Variants in ALPK1 observed in about 807,000 individuals in gnomAD.
ALPK1 encodes alpha-protein kinase 1.
In ALPK1, 110 loss-of-function variants were observed where a neutral mutation model predicts 120.6. The ratio of observed to expected loss-of-function variants is 0.91; its 90% CI spans 0.78 to 1.07. ALPK1 has a LOEUF of 1.07. Among genes scored for constraint, ALPK1 ranks in the 50% least tolerant of loss-of-function variants. ALPK1 has a pLI of 0.00. For synonymous variants in ALPK1, 582 were observed against 560.3 expected, an observed-to-expected ratio of 1.04 and a Z score of -0.55; for missense variants, 1,498 against 1,483.9, an observed-to-expected ratio of 1.01 and a Z score of -0.16.
chr4:112,334,439 A>G (rs1031844037), intron 2 of ALPK1, among the ~76,000 whole-genome samples: 19 of 151,718 alleles, frequency 1.3e-4, no homozygotes, highest in African/African-American at 4.1e-4. Flanking sequence ...CCTCAAAAAA[A>G]AAAAAAAAGA....
At chr4:112,366,757 T>C (rs1373390710) in intron 2 of ALPK1, among the ~76,000 whole-genome samples, 1 of 152,214 alleles carries the variant, frequency 6.6e-6, no homozygotes, top group East Asian at 1.9e-4. Flanking sequence ...TGCATGTTTA[T>C]AGCAGCACAA....
chr4:112,299,579 T>G (rs960280504), intron 1 of ALPK1, among the ~76,000 whole-genome samples: 3 of 152,112 alleles, frequency 2.0e-5, no homozygotes, highest in Non-Finnish European at 2.9e-5. Flanking sequence ...ATGGCTAAAG[T>G]TTCAGACATG....
chr4:112,299,229 A>G lies in ALPK1; in HGVS notation c.-153+1760A>G, dbSNP rs557957017. ...GGGATAGACAAACTTAAAAGAAAGA[A>G]TATTATCTGGTGCTATCATTCTTCT... On this transcript the variant is annotated intron_variant, in intron 1 of 15. Transcript: ENST00000650871. Among the ~76,000 whole-genome samples the G allele has an allele frequency of 2.0e-5, 3 of 152,252 alleles. No individual in the cohort carries two copies. In the South Asian group the frequency reaches 6.2e-4, roughly 32 times the overall value.
chr4:112,429,390 A>G, intron 10 of ALPK1, 137 bp downstream of exon 10: 1 of 667,128 alleles, frequency 1.5e-6, no homozygotes. Flanking sequence ...ATAAGACTCC[A>G]CACCACATAT....
At chr4:112,356,032 C>A (rs1434674819) in intron 2 of ALPK1, 1 of 719,226 alleles carries the variant, frequency 1.4e-6, no homozygotes, top group Non-Finnish European at 2.5e-6. Context: ...CATCACTTAC[C>A]AAGAGCGGCT....
intron 5 of ALPK1, among the ~76,000 whole-genome samples, chr4:112,418,680 A>G (rs959678649): frequency 6.6e-6 from 1 of 152,208 alleles, no homozygotes; most frequent in Non-Finnish European, 1.5e-5. Flanking sequence ...TACCAGATCC[A>G]TCCCCATGAT....
intron 4 of ALPK1, among the ~76,000 whole-genome samples, chr4:112,389,372 C>T (rs1333986624): frequency 6.6e-6 from 1 of 152,120 alleles, no homozygotes; most frequent in Non-Finnish European, 1.5e-5. Context: ...GTTGAGATAC[C>T]AGGGGTTGGT....
intron 13 of ALPK1, among the ~76,000 whole-genome samples, chr4:112,439,080 T>C (rs1734913919): frequency 6.6e-6 from 1 of 152,186 alleles, no homozygotes; most frequent in African/African-American, 2.4e-5. Flanking sequence ...CCCCTTTCAA[T>C]AGATAAAGGC....
intron 2 of ALPK1, among the ~76,000 whole-genome samples, chr4:112,376,422 CA>C (rs1281404958): frequency 6.6e-6 from 1 of 151,976 alleles, no homozygotes; most frequent in African/African-American, 2.4e-5. Flanking sequence ...TGTTTAAACA[CA>C]AAGTATATGG....
At chr4:112,416,562 G>A (rs527836620) in intron 5 of ALPK1, among the ~76,000 whole-genome samples, 4 of 152,260 alleles carry the variant, frequency 2.6e-5, no homozygotes, top group Admixed American at 2.6e-4. Flanking sequence ...CACTGAAGGA[G>A]TATATCTAGC....
chr4:112,414,536 A>C, intron 5 of ALPK1: 1 of 296,886 alleles, frequency 3.4e-6, no homozygotes, highest in Non-Finnish European at 7.0e-6. Context: ...TGAACTCCGG[A>C]GGTGGAAGTT....
intron 2 of ALPK1, among the ~76,000 whole-genome samples, chr4:112,355,372 G>T (rs1484260948): frequency 3.9e-5 from 6 of 152,296 alleles, no homozygotes; most frequent in South Asian, 2.1e-4. Context: ...CCGGGCCAGT[G>T]GGGGAGACAG....
chr4:112,431,870 G>C lies in ALPK1; in HGVS notation c.2323G>C (p.Gly775Arg), dbSNP rs758142371. The change falls in exon 11 of 16, where the codon GGC becomes CGC. Residue 775 changes from glycine (G) to arginine (R), a missense_variant. By Grantham distance (125) the Gly-to-Arg change is moderately radical (BLOSUM62 -2). Transcript: ENST00000650871. ...AGAAGAAATTAGTGAAAGAGGCGCAGGCCCTACATTTAAAGCTAGTCCCTC... is the reference window on the plus strand; with the variant it reads ...AGAAGAAATTAGTGAAAGAGGCGCACGCCCTACATTTAAAGCTAGTCCCTC... Reference protein sequence around the residue: ...QGEEISERGAGPTFKASPSWV... With the variant: ...QGEEISERGARPTFKASPSWV... 5 of 1,614,016 alleles carry C rather than the reference G, an allele frequency of 3.1e-6. No homozygotes were observed. The South Asian group carries it at 5.5e-5, about 18-fold the overall frequency.
intron 2 of ALPK1, among the ~76,000 whole-genome samples, chr4:112,348,880 G>A (rs1712887224): frequency 6.6e-6 from 1 of 152,178 alleles, no homozygotes; most frequent in Non-Finnish European, 1.5e-5. Context: ...GTGTGTCTCG[G>A]AGCAAAGGAG....
At chr4:112,422,392 A>G (rs1314458253) in intron 5 of ALPK1, among the ~76,000 whole-genome samples, 1 of 152,118 alleles carries the variant, frequency 6.6e-6, no homozygotes, top group Non-Finnish European at 1.5e-5. Context: ...CTTCCTGGGT[A>G]TCTCCCTAGC....
At chr4:112,422,489 G>A (rs1734043590) in intron 5 of ALPK1, among the ~76,000 whole-genome samples, 1 of 152,260 alleles carries the variant, frequency 6.6e-6, no homozygotes, top group South Asian at 2.1e-4. Flanking sequence ...ACCGTATAAT[G>A]TCTGTTCCCT....
At chr4:112,355,591 G>A (rs1730565864) in intron 2 of ALPK1, among the ~76,000 whole-genome samples, 1 of 152,234 alleles carries the variant, frequency 6.6e-6, no homozygotes, top group Non-Finnish European at 1.5e-5. Flanking sequence ...GGTGGCAATG[G>A]AACGGAGACC....
At chr4:112,425,582 T>A in intron 6 of ALPK1, 83 bp from the exon 7 acceptor site, 1 of 1,123,406 alleles carries the variant, frequency 8.9e-7, no homozygotes, top group Non-Finnish European at 1.3e-6. Flanking sequence ...TCACATGTGC[T>A]CATGAAGACT....
chr4:112,421,726 C>G (rs144383344), intron 5 of ALPK1, among the ~76,000 whole-genome samples: 1 of 152,282 alleles, frequency 6.6e-6, no homozygotes, highest in African/African-American at 2.4e-5. Flanking sequence ...CCTTTTCCAT[C>G]TTAACTAAGC....
Sources: allele counts gnomAD v4.1 joint callset (sites outside exome capture counted in the v4.1 genomes callset), GRCh38; gene constraint gnomAD v4.1.1; transcripts MANE v1.5; gene names NCBI Gene and HGNC (gene_info 2026-07-23, HGNC 2026-07-21).